The following HIBADH variants were observed in gnomAD, a reference collection of about 807,000 sequenced individuals.
The protein encoded by HIBADH is 3-hydroxyisobutyrate dehydrogenase, mitochondrial.
HIBADH carries 25 observed loss-of-function variants against 36.1 expected under a neutral mutation model. The observed-to-expected ratio is 0.69, with a 90% CI of 0.50 to 0.97. The LOEUF is 0.97. Among genes scored for constraint, HIBADH ranks in the 50% least tolerant of loss-of-function variants. HIBADH has a pLI of 0.00. For synonymous variants in HIBADH, 160 were observed against 149.5 expected, an observed-to-expected ratio of 1.07 and a Z score of -0.51; for missense variants, 421 against 418.0, an observed-to-expected ratio of 1.01 and a Z score of -0.06.
intron 1 of HIBADH, among the ~76,000 whole-genome samples, chr7:27,658,041 CAA>C (rs1215792385): frequency 1.3e-5 from 2 of 151,948 alleles, no homozygotes; most frequent in Non-Finnish European, 2.9e-5. Flanking sequence ...TTACAAGAGC[CAA>C]AGAGATAGAA....
At chr7:27,531,872 G>C (rs944210604) in intron 6 of HIBADH, among the ~76,000 whole-genome samples, 2 of 151,348 alleles carry the variant, frequency 1.3e-5, no homozygotes, top group South Asian at 4.2e-4. Context: ...TGAGCCAGGA[G>C]CTGTAAACGA....
intron 4 of HIBADH, among the ~76,000 whole-genome samples, chr7:27,546,400 T>C (rs1784236200): frequency 6.6e-6 from 1 of 152,196 alleles, no homozygotes. Context: ...ATTACAGGTA[T>C]GAGCACCGTG....
intron 4 of HIBADH, among the ~76,000 whole-genome samples, chr7:27,614,984 T>C (rs1156454928): frequency 6.6e-6 from 1 of 152,200 alleles, no homozygotes; most frequent in Non-Finnish European, 1.5e-5. Context: ...GGCTTCTCAA[T>C]GATTCTTCTC....
rs1450753106 is a variant in HIBADH at position 27,650,500 on chromosome 7, ATTTATTTT to A, written c.92-875_92-868del. On this transcript the variant is annotated intron_variant, in intron 1 of 7. Transcript: ENST00000265395. ...TATTTATTTATTTATTTATTTATTT[ATTTATTTT>A]TTGAGACGGAGTCTCACTCTGTCAC... Among the ~76,000 whole-genome samples, 377 of 142,268 alleles carry A rather than the reference ATTTATTTT, an allele frequency of 2.6e-3. 1 individual carries two copies. Among genetic ancestry groups the A allele is most frequent in the African/African-American group, 9.6e-3 (359 of 37,210 alleles). 93.3% of individuals were successfully genotyped at this position (142,268 alleles called of 152,430 possible).
intron 1 of HIBADH, among the ~76,000 whole-genome samples, chr7:27,654,311 AAT>A (rs1236670086): frequency 2.0e-5 from 3 of 152,190 alleles, no homozygotes; most frequent in Non-Finnish European, 4.4e-5. Context: ...TGGGGCAGAA[AAT>A]ATGTGTGAAG....
intron 4 of HIBADH, among the ~76,000 whole-genome samples, chr7:27,593,452 A>C (rs905755478): frequency 2.0e-5 from 3 of 152,192 alleles, no homozygotes; most frequent in African/African-American, 7.2e-5. Context: ...CTCATACTAG[A>C]AACATAATAT....
intron 4 of HIBADH, among the ~76,000 whole-genome samples, chr7:27,546,036 G>A (rs997025699): frequency 2.0e-5 from 3 of 152,138 alleles, no homozygotes; most frequent in Non-Finnish European, 4.4e-5. Flanking sequence ...GTATAAAACA[G>A]GAAAAGTATT....
chr7:27,632,300 A>C (rs542032553), intron 3 of HIBADH, 36 bp downstream of exon 3: 1 of 1,339,424 alleles, frequency 7.5e-7, no homozygotes, highest in South Asian at 1.2e-5. Flanking sequence ...ATGAACTATC[A>C]TAACAAGAAA....
At chr7:27,575,242 T>C (rs1354685367) in intron 4 of HIBADH, among the ~76,000 whole-genome samples, 2 of 152,202 alleles carry the variant, frequency 1.3e-5, no homozygotes, top group Non-Finnish European at 2.9e-5. Context: ...GTAATTACAA[T>C]GTAGGTGAGA....
intron 6 of HIBADH, among the ~76,000 whole-genome samples, chr7:27,535,777 A>G (rs1390116584): frequency 6.6e-6 from 1 of 152,060 alleles, no homozygotes; most frequent in African/African-American, 2.4e-5. Context: ...AACAACATTT[A>G]AAAATTTTGC....
intron 2 of HIBADH, among the ~76,000 whole-genome samples, chr7:27,640,769 G>A (rs1785946267): frequency 6.6e-6 from 1 of 152,144 alleles, no homozygotes; most frequent in East Asian, 1.9e-4. Flanking sequence ...TTTCTTCTAG[G>A]CTACAAACCT....
intron 4 of HIBADH, among the ~76,000 whole-genome samples, chr7:27,594,005 A>G (rs902427683): frequency 6.6e-5 from 10 of 151,122 alleles, no homozygotes; most frequent in Non-Finnish European, 1.3e-4. Flanking sequence ...CCTGGGCGAC[A>G]GAGCGAGACT....
chr7:27,605,720 T>A (rs1439569779), intron 4 of HIBADH, among the ~76,000 whole-genome samples: 1 of 151,828 alleles, frequency 6.6e-6, no homozygotes, highest in Non-Finnish European at 1.5e-5. Context: ...AAAACAAATA[T>A]TTAGAGTTTA....
At chr7:27,612,513 G>A (rs370924269) in intron 4 of HIBADH, among the ~76,000 whole-genome samples, 19 of 151,676 alleles carry the variant, frequency 1.3e-4, no homozygotes, top group South Asian at 4.2e-4. Context: ...TAGTAGAGAC[G>A]GGGTTTCACC....
At chr7:27,539,288 C>G (rs925786174) in intron 5 of HIBADH, among the ~76,000 whole-genome samples, 2 of 152,038 alleles carry the variant, frequency 1.3e-5, no homozygotes, top group African/African-American at 4.8e-5. Flanking sequence ...AAGGCTTGGA[C>G]CAGGTCCTGT....
At chr7:27,647,407 C>T (rs185415140) in intron 2 of HIBADH, among the ~76,000 whole-genome samples, 72 of 152,252 alleles carry the variant, frequency 4.7e-4, no homozygotes, top group African/African-American at 1.6e-3. Flanking sequence ...TAACTGAAAT[C>T]GTAGAAAGTG....
At chr7:27,574,951 C>T (rs1227619675) in intron 4 of HIBADH, among the ~76,000 whole-genome samples, 1 of 152,070 alleles carries the variant, frequency 6.6e-6, no homozygotes, top group Admixed American at 6.6e-5. Flanking sequence ...AGCAGGTAAT[C>T]GAGAAGGGCA....
At chr7:27,605,600 A>AG (rs1232750776) in intron 4 of HIBADH, among the ~76,000 whole-genome samples, 1 of 149,694 alleles carries the variant, frequency 6.7e-6, no homozygotes. Flanking sequence ...AAAAAAAAAA[A>AG]AAAAAAAAAA....
chr7:27,635,572 T>C (rs531811799), intron 2 of HIBADH, among the ~76,000 whole-genome samples: 1 of 152,320 alleles, frequency 6.6e-6, no homozygotes, highest in East Asian at 1.9e-4. Context: ...AAAGGAAACT[T>C]AGACAGATAT....
Sources: allele counts gnomAD v4.1 joint callset (sites outside exome capture counted in the v4.1 genomes callset), GRCh38; gene constraint gnomAD v4.1.1; transcripts MANE v1.5; gene names NCBI Gene and HGNC (gene_info 2026-07-23, HGNC 2026-07-21).